The following SLF1 variants were observed in gnomAD, a reference collection of about 807,000 sequenced individuals.
SLF1 encodes the protein SMC5/6 complex localization factor 1, also known as SMC5-SMC6 complex localization factor protein 1.
SLF1 carries 105 observed loss-of-function variants against 123.0 expected under a neutral mutation model. The observed-to-expected ratio is 0.85, with a 90% CI of 0.73 to 1.00. SLF1 has a LOEUF of 1.00. Ranked by LOEUF, SLF1 falls within the 50% of genes least tolerant of loss-of-function variation. The probability of loss-of-function intolerance (pLI) is 0.00; values close to 1 mark genes in which losing one functional copy is unlikely to be tolerated. For synonymous variants in SLF1, 434 were observed against 406.6 expected, an observed-to-expected ratio of 1.07 and a Z score of -0.81; for missense variants, 1,239 against 1,223.0, an observed-to-expected ratio of 1.01 and a Z score of -0.20.
intron 1 of SLF1, among the ~76,000 whole-genome samples, chr5:94,623,778 C>T (rs1791998467): frequency 6.6e-6 from 1 of 152,032 alleles, no homozygotes; most frequent in Non-Finnish European, 1.5e-5. Context: ...TTTTTGGCCT[C>T]ATTAACATAT....
chr5:94,644,245 T>C (rs187527300), intron 5 of SLF1, among the ~76,000 whole-genome samples: 11 of 152,328 alleles, frequency 7.2e-5, no homozygotes, highest in African/African-American at 2.2e-4. Context: ...TTGTGATTAA[T>C]CTTCCTGTAA....
At chr5:94,682,626 G>T (rs1169226158) in intron 15 of SLF1, among the ~76,000 whole-genome samples, 2 of 152,052 alleles carry the variant, frequency 1.3e-5, no homozygotes, top group African/African-American at 4.8e-5. Context: ...TAATTGTTTT[G>T]TCAAGAATTA....
chr5:94,664,310 A>G (rs1250685796), intron 11 of SLF1, among the ~76,000 whole-genome samples: 1 of 152,178 alleles, frequency 6.6e-6, no homozygotes, highest in East Asian at 1.9e-4. Context: ...TTAAAAAGAA[A>G]TAGAGGCAAG....
intron 3 of SLF1, 115 bp from the exon 4 acceptor site, chr5:94,630,388 A>G (rs1745074961): frequency 3.1e-5 from 38 of 1,219,166 alleles, no homozygotes; most frequent in Non-Finnish European, 4.1e-5. Context: ...TAATGTTAGC[A>G]GCATAGCTTA....
chr5:94,629,549 T>G (rs1304229906), intron 3 of SLF1: 1 of 161,426 alleles, frequency 6.2e-6, no homozygotes, highest in African/African-American at 2.4e-5. Flanking sequence ...TTCTCTCTGC[T>G]GCTTCTATCC....
At chr5:94,671,031 T>A in intron 14 of SLF1, 23 bp downstream of exon 14, 1 of 1,441,314 alleles carries the variant, frequency 6.9e-7, no homozygotes, top group Non-Finnish European at 9.5e-7. Context: ...AATTTATAGA[T>A]GAATAGTCTA....
rs1443038481 is a variant in SLF1, at chr5:94,633,192, G to A, written c.431+2449G>A. ...AGTAGAGATGGGGTTTCTCCATGTT[G>A]GTTAGGCTGGTCTCAAACTCCCGAC... On this transcript the variant is annotated intron_variant, in intron 4 of 20. Coordinates refer to ENST00000265140, the MANE Select transcript of SLF1 (RefSeq NM_032290.4). 2.0e-5 allele frequency among the ~76,000 whole-genome samples: 3 copies of A among 151,486 alleles called. No homozygotes were observed. The East Asian group carries it at 5.9e-4, about 30-fold the overall frequency.
intron 20 of SLF1, among the ~76,000 whole-genome samples, chr5:94,693,754 C>CT (rs35927042): frequency 1.2e-3 from 154 of 129,722 alleles, no homozygotes; most frequent in East Asian, 1.8e-3. Flanking sequence ...GTAATTTTGT[C>CT]TTTTTTTTTT....
intron 20 of SLF1, among the ~76,000 whole-genome samples, chr5:94,693,469 T>C (rs1159153323): frequency 1.3e-5 from 2 of 152,030 alleles, no homozygotes; most frequent in Non-Finnish European, 2.9e-5. Context: ...TGTGAATTTT[T>C]CTAGGGCTCT....
chr5:94,681,595 C>T (rs1245302038), intron 15 of SLF1, among the ~76,000 whole-genome samples: 1 of 151,982 alleles, frequency 6.6e-6, no homozygotes, highest in Non-Finnish European at 1.5e-5. Context: ...GCGCTGCACC[C>T]ACTAACTCGT....
intron 15 of SLF1, among the ~76,000 whole-genome samples, chr5:94,684,165 T>C (rs1428633883): frequency 6.6e-6 from 1 of 152,220 alleles, no homozygotes; most frequent in Non-Finnish European, 1.5e-5. Context: ...TACAAGTTAT[T>C]TTTGCTTTGC....
intron 4 of SLF1, among the ~76,000 whole-genome samples, chr5:94,639,152 T>C (rs2152471646): frequency 6.7e-6 from 1 of 149,108 alleles, no homozygotes; most frequent in South Asian, 2.2e-4. Flanking sequence ...ATGATGCTCC[T>C]GCCTCAGCTT....
chr5:94,691,334 T>G (rs1228048050), intron 18 of SLF1: 1 of 448,166 alleles, frequency 2.2e-6, no homozygotes, highest in East Asian at 4.3e-5. Context: ...TAGAATTTCA[T>G]TGCTGAATTG....
At chr5:94,630,850 G>A (rs1323051727) in intron 4 of SLF1, 107 bp downstream of exon 4, 2 of 1,246,044 alleles carry the variant, frequency 1.6e-6, no homozygotes, top group East Asian at 2.6e-5. Flanking sequence ...ATGAGCCATG[G>A]TGATTTACTC....
chr5:94,690,420 A>G (rs928607507), intron 18 of SLF1, among the ~76,000 whole-genome samples: 3 of 152,310 alleles, frequency 2.0e-5, no homozygotes, highest in African/African-American at 7.2e-5. Flanking sequence ...GGAATATGAA[A>G]ATTATATTAG....
In SLF1 at chr5:94,643,123, G is replaced by A. The variant is rs1055828128; in HGVS notation, c.432-150G>A. ...ACAATTTATAATTTAAGAAATTGCAGCCGTGTTCTCTGTGATCCTCAATTG... is the reference window on the plus strand; with the variant it reads ...ACAATTTATAATTTAAGAAATTGCAACCGTGTTCTCTGTGATCCTCAATTG... On this transcript the variant is annotated intron_variant, in intron 4 of 20. Transcript: ENST00000265140. 76 of 520,378 alleles carry A rather than the reference G, an allele frequency of 1.5e-4. 1 individual carries two copies. Among genetic ancestry groups the A allele is most frequent in the Non-Finnish European group, 2.3e-4 (69 of 300,178 alleles). The allele number at this position is 520,378 out of a possible 1,614,324, so 32.2% of individuals were successfully genotyped here.
intron 9 of SLF1, among the ~76,000 whole-genome samples, chr5:94,659,586 T>A (rs972982220): frequency 2.0e-5 from 3 of 152,226 alleles, no homozygotes; most frequent in Non-Finnish European, 4.4e-5. Context: ...GATTTCTTCA[T>A]CTGTAGTCAT....
chr5:94,695,348 G>C lies in SLF1; in HGVS notation c.*36G>C, dbSNP rs897995816. On this transcript the variant is annotated 3_prime_UTR_variant, in exon 21 of 21. Transcript: ENST00000265140. ...AAGTATGGATTGACTTTCTAAATCTGTTCAGTTTGCATTGGTACTTACTGT... is the reference window on the plus strand; with the variant it reads ...AAGTATGGATTGACTTTCTAAATCTCTTCAGTTTGCATTGGTACTTACTGT... The C allele has an allele frequency of 2.6e-6, 4 of 1,561,218 alleles. No individual in the cohort carries two copies. Among genetic ancestry groups the C allele is most frequent in the Admixed American group, 3.7e-5 (2 of 54,436 alleles).
chr5:94,662,177 A>T, intron 9 of SLF1, 121 bp from the exon 10 acceptor site: 1 of 665,416 alleles, frequency 1.5e-6, no homozygotes, highest in Non-Finnish European at 2.3e-6. Context: ...GTATCATATT[A>T]ATTATAGCTA....
Sources: allele counts gnomAD v4.1 joint callset (sites outside exome capture counted in the v4.1 genomes callset), GRCh38; gene constraint gnomAD v4.1.1; transcripts MANE v1.5; gene names NCBI Gene and HGNC (gene_info 2026-07-23, HGNC 2026-07-21).